The following MYLK variants were observed in gnomAD, a reference collection of about 807,000 sequenced individuals.
The protein encoded by MYLK is myosin light chain kinase.
A neutral mutation model predicts 203.4 loss-of-function variants in MYLK; 106 were observed. The ratio of observed to expected loss-of-function variants is 0.52; its 90% CI spans 0.45 to 0.61. MYLK has a LOEUF of 0.61. Among genes scored for constraint, MYLK ranks in the 20% least tolerant of loss-of-function variants. The probability of loss-of-function intolerance (pLI) is 0.00; values close to 1 mark genes in which losing one functional copy is unlikely to be tolerated. For missense variants in MYLK, 2,072 were observed against 2,442.3 expected, an observed-to-expected ratio of 0.85 and a Z score of 3.20; for synonymous variants, 867 against 959.5, an observed-to-expected ratio of 0.90 and a Z score of 1.78.
At chr3:123,666,898 C>G in intron 21 of MYLK, 1 of 609,722 alleles carries the variant, frequency 1.6e-6, no homozygotes, top group South Asian at 2.0e-5. Context: ...ATGATGCTGT[C>G]AACATGGGAG....
At position 123,636,769 on chromosome 3, in the gene MYLK, C is replaced by G. The variant is rs976386250; in HGVS notation, c.4961+1302G>C. 5.3e-5 allele frequency among the ~76,000 whole-genome samples: 8 copies of G among 152,210 alleles called. No homozygotes were observed. The East Asian group carries it at 1.5e-3, about 29-fold the overall frequency. Reference sequence around the variant, plus strand: ...GGGAAACAGGCAGGGAAATGCACACCTGGCCCGGGGTTTTTCTGCTGATCT... The same window carrying G: ...GGGAAACAGGCAGGGAAATGCACACGTGGCCCGGGGTTTTTCTGCTGATCT... On this transcript the variant is annotated intron_variant, in intron 29 of 33. Coordinates refer to ENST00000360304, the MANE Select transcript of MYLK (RefSeq NM_053025.4).
chr3:123,792,396 T>C (rs1263898980), intron 4 of MYLK, among the ~76,000 whole-genome samples: 1 of 152,186 alleles, frequency 6.6e-6, no homozygotes, highest in Non-Finnish European at 1.5e-5. Flanking sequence ...TTTCAGAACA[T>C]TTTCATCAGC....
At position 123,663,783 on chromosome 3, in the gene MYLK, A is replaced by G. The variant is rs112995175; in HGVS notation, c.3985+322T>C. 7.1e-3 allele frequency among the ~76,000 whole-genome samples: 1,076 copies of G among 152,274 alleles called. 6 individuals carry two copies. Among genetic ancestry groups the G allele is most frequent in the African/African-American group, 0.024 (998 of 41,546 alleles). The stretch of plus-strand genomic sequence containing the variant: ...AAGAAGTTGACCAAGTTTATGCCTC[A>G]TGTCTCTTATTTCTCAAATAAGCTA... On this transcript the variant is annotated intron_variant, in intron 23 of 33. Transcript: ENST00000360304.
intron 2 of MYLK, among the ~76,000 whole-genome samples, chr3:123,863,860 G>A (rs962600647): frequency 5.3e-5 from 8 of 152,092 alleles, no homozygotes; most frequent in Admixed American, 4.6e-4. Context: ...ATTTACCCAA[G>A]AGAAATGAAA....
rs1560173795 is a variant in MYLK, at chr3:123,752,570, G to C, written c.166-32C>G. ...GAAAAAGAAGAAAGGGTAAGAGCCT[G>C]TATTTCATGAGTACTCTCTCTGTGT... On this transcript the variant is annotated intron_variant, in intron 4 of 33. Coordinates refer to ENST00000360304, the MANE Select transcript of MYLK (RefSeq NM_053025.4). 1.6e-5 allele frequency: 25 copies of C among 1,581,230 alleles called. No individual in the cohort carries two copies. The East Asian group carries it at 5.7e-4, about 36-fold the overall frequency.
intron 19 of MYLK, among the ~76,000 whole-genome samples, chr3:123,683,793 T>A (rs73860114): frequency 8.6e-4 from 131 of 152,204 alleles, no homozygotes; most frequent in African/African-American, 3.1e-3. Context: ...TAGGACTACT[T>A]AGCAGTATGT....
chr3:123,832,989 T>C (rs1472502354), intron 2 of MYLK, among the ~76,000 whole-genome samples: 16 of 152,072 alleles, frequency 1.1e-4, no homozygotes, highest in Admixed American at 1.0e-3. Context: ...GGGTTGTGGC[T>C]TCCCCTGACA....
At chr3:123,670,553 G>A (rs2108369236) in intron 20 of MYLK, among the ~76,000 whole-genome samples, 1 of 152,146 alleles carries the variant, frequency 6.6e-6, no homozygotes, top group African/African-American at 2.4e-5. Context: ...CCAGGAGTTC[G>A]AGACTAACCT....
intron 23 of MYLK, among the ~76,000 whole-genome samples, chr3:123,662,331 C>T (rs746155143): frequency 2.0e-5 from 3 of 152,160 alleles, no homozygotes; most frequent in Non-Finnish European, 4.4e-5. Context: ...GTTTCTCCTG[C>T]ATAAGGCTGG....
chr3:123,661,173 G>A (rs1191564316), intron 23 of MYLK, among the ~76,000 whole-genome samples: 2 of 152,166 alleles, frequency 1.3e-5, no homozygotes, highest in African/African-American at 2.4e-5. Flanking sequence ...ACTGCAGCCC[G>A]CGTAGTGGTG....
chr3:123,781,118 C>G (rs1358998492), intron 4 of MYLK, among the ~76,000 whole-genome samples: 4 of 152,184 alleles, frequency 2.6e-5, no homozygotes, highest in African/African-American at 9.6e-5. Context: ...GGCCTGGCAA[C>G]TGGGAAGAGT....
At chr3:123,633,930 A>T (rs1192188679) in intron 29 of MYLK, among the ~76,000 whole-genome samples, 2 of 152,086 alleles carry the variant, frequency 1.3e-5, no homozygotes, top group Non-Finnish European at 2.9e-5. Context: ...TGATCCTCCC[A>T]TCATAGCCTC....
chr3:123,664,385 G>C, intron 22 of MYLK, 127 bp from the exon 23 acceptor site: 1 of 1,320,080 alleles, frequency 7.6e-7, no homozygotes, highest in Non-Finnish European at 1.1e-6. Context: ...GCTCAGTCTG[G>C]TCTGGACTCT....
At chr3:123,710,755 T>C (rs1418582993) in intron 13 of MYLK, among the ~76,000 whole-genome samples, 4 of 152,196 alleles carry the variant, frequency 2.6e-5, no homozygotes, top group African/African-American at 9.7e-5. Context: ...CACATATCCA[T>C]ACAAAGTCTT....
At chr3:123,881,040 G>A (rs968184135) in intron 1 of MYLK, among the ~76,000 whole-genome samples, 3 of 152,222 alleles carry the variant, frequency 2.0e-5, no homozygotes, top group African/African-American at 7.2e-5. Flanking sequence ...ACTCAAGGAA[G>A]AATAAAGAGA....
At chr3:123,761,203 C>T (rs2063523188) in intron 4 of MYLK, among the ~76,000 whole-genome samples, 2 of 152,204 alleles carry the variant, frequency 1.3e-5, no homozygotes, top group Admixed American at 6.5e-5. Context: ...CAGACACTGG[C>T]CACAGATTGT....
At chr3:123,796,925 G>A (rs2065008002) in intron 3 of MYLK, among the ~76,000 whole-genome samples, 1 of 151,924 alleles carries the variant, frequency 6.6e-6, no homozygotes, top group African/African-American at 2.4e-5. Flanking sequence ...TATATTATTG[G>A]GAAAGAATCA....
intron 2 of MYLK, among the ~76,000 whole-genome samples, chr3:123,842,246 A>T (rs1033076024): frequency 6.6e-6 from 1 of 152,048 alleles, no homozygotes. Context: ...GTAAATTAAT[A>T]TCAGACAAAA....
intron 23 of MYLK, among the ~76,000 whole-genome samples, chr3:123,662,924 T>C (rs1576469555): frequency 6.6e-6 from 1 of 152,284 alleles, no homozygotes; most frequent in Admixed American, 6.5e-5. Flanking sequence ...GGCCCCTTTT[T>C]CTAATTTTCA....
Sources: gnomAD v4.1 joint callset for allele counts (sites outside exome capture counted in the v4.1 genomes callset) on GRCh38, gnomAD v4.1.1 for gene constraint, MANE v1.5 for transcripts, NCBI Gene and HGNC (gene_info 2026-07-23, HGNC 2026-07-21) for gene names.